USP12: variants seen among roughly 807,000 people sequenced by gnomAD.
The protein encoded by USP12 is ubiquitin carboxyl-terminal hydrolase 12.
A neutral mutation model predicts 45.5 loss-of-function variants in USP12; 19 were observed. The ratio of observed to expected loss-of-function variants is 0.42; its 90% CI spans 0.29 to 0.61. The LOEUF (loss-of-function observed/expected upper bound fraction) is 0.61, where lower values mean the gene tolerates loss of function less well. Ranked by LOEUF, USP12 falls within the 20% of genes least tolerant of loss-of-function variation. USP12 has a pLI of 0.22. For missense variants in USP12, 242 were observed against 447.7 expected (o/e 0.54, Z 4.15); for synonymous variants, 149 against 148.8 (o/e 1.00, Z -0.01).
intron 6 of USP12, among the ~76,000 whole-genome samples, chr13:27,088,794 C>T (rs771073660): frequency 2.6e-5 from 4 of 152,124 alleles, no homozygotes; most frequent in African/African-American, 4.8e-5. Flanking sequence ...TTTTGTATCC[C>T]GTCCCTGTAA....
chr13:27,098,925 G>A (rs951126036), intron 3 of USP12, among the ~76,000 whole-genome samples: 1 of 152,108 alleles, frequency 6.6e-6, no homozygotes, highest in Non-Finnish European at 1.5e-5. Context: ...AACACATGTG[G>A]ATCCCACTCA....
At chr13:27,162,887 G>C (rs1878172418) in intron 1 of USP12, 2 of 152,024 alleles carry the variant, frequency 1.3e-5, no homozygotes, top group African/African-American at 4.8e-5. Context: ...TTAAATGTCT[G>C]CTGCTACGGA....
At chr13:27,141,011 ACTT>A (rs1877027118) in intron 1 of USP12, among the ~76,000 whole-genome samples, 1 of 136,110 alleles carries the variant, frequency 7.3e-6, no homozygotes, top group Non-Finnish European at 1.6e-5. Flanking sequence ...GTGTGAAGTC[ACTT>A]TTTTTTTTTT....
intron 6 of USP12, among the ~76,000 whole-genome samples, chr13:27,085,788 C>T (rs1873982582): frequency 6.6e-6 from 1 of 152,082 alleles, no homozygotes; most frequent in African/African-American, 2.4e-5. Context: ...CATCAAATCA[C>T]TGTTTATAAC....
intron 1 of USP12, among the ~76,000 whole-genome samples, chr13:27,158,679 A>C (rs1349262364): frequency 6.6e-6 from 1 of 152,222 alleles, no homozygotes; most frequent in Non-Finnish European, 1.5e-5. Flanking sequence ...AGGTACAGTA[A>C]CAATACAGTA....
intron 4 of USP12, among the ~76,000 whole-genome samples, chr13:27,090,504 A>T (rs1490151606): frequency 6.6e-6 from 1 of 152,222 alleles, no homozygotes; most frequent in African/African-American, 2.4e-5. Flanking sequence ...CCAAGACTGA[A>T]TAAAAATGCT....
At chr13:27,092,351 G>C (rs1052456456) in intron 4 of USP12, among the ~76,000 whole-genome samples, 3 of 152,158 alleles carry the variant, frequency 2.0e-5, no homozygotes, top group Non-Finnish European at 2.9e-5. Context: ...TTATTTTGTG[G>C]ATATCGACGA....
chr13:27,125,664 C>T (rs1007261652), intron 1 of USP12, among the ~76,000 whole-genome samples: 7 of 152,206 alleles, frequency 4.6e-5, no homozygotes, highest in African/African-American at 1.7e-4. Context: ...TCCCCTCACC[C>T]GGGAAGCGCA....
intron 1 of USP12, among the ~76,000 whole-genome samples, chr13:27,169,479 G>C (rs576750784): frequency 6.6e-6 from 1 of 152,256 alleles, no homozygotes; most frequent in Non-Finnish European, 1.5e-5. Flanking sequence ...GAGATATTCA[G>C]CACTATTTGG....
intron 1 of USP12, among the ~76,000 whole-genome samples, chr13:27,127,372 A>C (rs1876291918): frequency 6.6e-6 from 1 of 152,206 alleles, no homozygotes; most frequent in South Asian, 2.1e-4. Context: ...GGGAACAGAG[A>C]GGTTCAGCTG....
intron 2 of USP12, among the ~76,000 whole-genome samples, chr13:27,107,608 G>A (rs78361609): frequency 0.036 from 5,520 of 152,242 alleles, 147 homozygotes; most frequent in Admixed American, 0.072. Context: ...CACTGAAAAG[G>A]TGTGGCAGCA....
At chr13:27,085,176 CTTT>C (rs1873954040) in intron 6 of USP12, among the ~76,000 whole-genome samples, 1 of 149,726 alleles carries the variant, frequency 6.7e-6, no homozygotes, top group African/African-American at 2.4e-5. Context: ...TTCTTTCTTT[CTTT>C]CTTTTTTTTT....
At chr13:27,154,604 A>G (rs1877730997) in intron 1 of USP12, among the ~76,000 whole-genome samples, 1 of 152,196 alleles carries the variant, frequency 6.6e-6, no homozygotes, top group Non-Finnish European at 1.5e-5. Context: ...TTAAAGGCAT[A>G]TCAGGAATTG....
chr13:27,086,189 A>ATATATATATATATATATAT (rs1378446137), intron 6 of USP12, among the ~76,000 whole-genome samples: 2 of 81,924 alleles, frequency 2.4e-5, no homozygotes, highest in African/African-American at 4.3e-5. Context: ...AAAAAAAAAA[A>ATATATATATATATATATAT]AAAAAAAAAT....
chr13:27,134,341 A>G lies in USP12; in HGVS notation c.49-17745T>C, dbSNP rs144837674. 6.9e-3 allele frequency among the ~76,000 whole-genome samples: 1,049 copies of G among 152,350 alleles called. 14 individuals are homozygous for G. The highest frequency in any genetic ancestry group is 0.022 in the African/African-American group (913 of 41,580). On this transcript the variant is annotated intron_variant, in intron 1 of 8. Coordinates refer to ENST00000282344, the MANE Select transcript of USP12 (RefSeq NM_182488.4). Reference sequence around the variant, plus strand: ...TTCTCTATCACATTTGGCTTGCCATATAAGCTCATTCTCTATTATATTCTG... The same window carrying G: ...TTCTCTATCACATTTGGCTTGCCATGTAAGCTCATTCTCTATTATATTCTG...
intron 8 of USP12, among the ~76,000 whole-genome samples, chr13:27,070,366 T>C (rs1298756674): frequency 6.6e-6 from 1 of 152,164 alleles, no homozygotes; most frequent in Non-Finnish European, 1.5e-5. Context: ...TGAAAATGAA[T>C]TGTATCTTGA....
chr13:27,161,291 A>T (rs779416252), intron 1 of USP12, among the ~76,000 whole-genome samples: 4 of 152,220 alleles, frequency 2.6e-5, no homozygotes, highest in Non-Finnish European at 5.9e-5. Context: ...GGACTAAGAT[A>T]ATCACATACA....
chr13:27,100,841 A>T (rs1874831329), intron 3 of USP12, among the ~76,000 whole-genome samples: 1 of 152,208 alleles, frequency 6.6e-6, no homozygotes, highest in South Asian at 2.1e-4. Flanking sequence ...AGATTTTATA[A>T]ACACTGCTGA....
rs1366267166 is a variant in USP12 at position 27,090,172 on chromosome 13, G to A, written c.574-14C>T. 3 of 1,563,490 alleles carry A rather than the reference G, an allele frequency of 1.9e-6. No homozygotes were observed. Among genetic ancestry groups the A allele is most frequent in the Non-Finnish European group, 1.7e-6 (2 of 1,145,968 alleles). On this transcript the variant is annotated splice_polypyrimidine_tract_variant and intron_variant, in intron 4 of 8. Coordinates refer to ENST00000282344, the MANE Select transcript of USP12 (RefSeq NM_182488.4). Reference sequence around the variant, plus strand: ...TTTGCTGCTTATCTGTAAAAACAGTGAATTGTCTTTGATTTTTTCAAATAC... The same window carrying A: ...TTTGCTGCTTATCTGTAAAAACAGTAAATTGTCTTTGATTTTTTCAAATAC...
Sources: allele counts gnomAD v4.1 joint callset (sites outside exome capture counted in the v4.1 genomes callset), GRCh38; gene constraint gnomAD v4.1.1; transcripts MANE v1.5; gene names NCBI Gene and HGNC (gene_info 2026-07-23, HGNC 2026-07-21).